PRKG1: variants seen among roughly 807,000 people sequenced by gnomAD.
PRKG1 encodes the protein protein kinase cGMP-dependent 1, also known as cGMP-dependent protein kinase 1.
A neutral mutation model predicts 88.1 loss-of-function variants in PRKG1; 35 were observed. The ratio of observed to expected loss-of-function variants is 0.40; its 90% CI spans 0.30 to 0.53. The LOEUF is 0.53. Ranked by LOEUF, PRKG1 falls within the 20% of genes least tolerant of loss-of-function variation. PRKG1 has a pLI of 0.59. For missense variants in PRKG1, 540 were observed against 839.8 expected, an observed-to-expected ratio of 0.64 and a Z score of 4.41; for synonymous variants, 303 against 292.5, an observed-to-expected ratio of 1.04 and a Z score of -0.37.
chr10:51,594,219 G>A (rs1459385220), intron 3 of PRKG1, among the ~76,000 whole-genome samples: 2 of 151,834 alleles, frequency 1.3e-5, no homozygotes, highest in African/African-American at 4.8e-5. Flanking sequence ...TGTAGAGATG[G>A]GGTCTTGTAT....
intron 5 of PRKG1, among the ~76,000 whole-genome samples, chr10:52,021,017 T>G (rs140287635): frequency 1.3e-5 from 2 of 152,170 alleles, no homozygotes; most frequent in Non-Finnish European, 2.9e-5. Flanking sequence ...ACATTCCTAG[T>G]GGGTGGGGGT....
rs1333609434 is a variant in PRKG1 at position 51,700,439 on chromosome 10, C to A, written c.593-104146C>A. On this transcript the variant is annotated intron_variant, in intron 3 of 17. Transcript: ENST00000373980. The stretch of plus-strand genomic sequence containing the variant: ...GGAATAAAGAAATTTACTTAACTAT[C>A]CCTACGTTGATTGGTTCTGATTTTT... 2.6e-5 allele frequency among the ~76,000 whole-genome samples: 4 copies of A among 152,180 alleles called. No individual in the cohort carries two copies. The East Asian group carries it at 7.7e-4, about 29-fold the overall frequency.
At chr10:51,947,449 G>C (rs868615502) in intron 5 of PRKG1, among the ~76,000 whole-genome samples, 24 of 152,084 alleles carry the variant, frequency 1.6e-4, no homozygotes, top group Non-Finnish European at 3.2e-4. Flanking sequence ...GCTTCGGCTC[G>C]CGCATGGTGC....
chr10:52,148,101 C>T (rs1837782897), intron 8 of PRKG1, among the ~76,000 whole-genome samples: 1 of 152,176 alleles, frequency 6.6e-6, no homozygotes, highest in Non-Finnish European at 1.5e-5. Context: ...AAAAATCAGA[C>T]TCCTGGGATC....
intron 5 of PRKG1, among the ~76,000 whole-genome samples, chr10:51,943,687 C>T (rs535340392): frequency 6.6e-6 from 1 of 152,000 alleles, no homozygotes; most frequent in African/African-American, 2.4e-5. Flanking sequence ...TTGTCAAAGG[C>T]CTTTTCTGCA....
At chr10:52,208,766 C>T (rs1839883675) in intron 9 of PRKG1, among the ~76,000 whole-genome samples, 1 of 152,076 alleles carries the variant, frequency 6.6e-6, no homozygotes, top group South Asian at 2.1e-4. Context: ...GAAATATTGG[C>T]TATATTATTC....
chr10:51,208,881 G>A (rs1838136369), intron 2 of PRKG1, among the ~76,000 whole-genome samples: 1 of 152,162 alleles, frequency 6.6e-6, no homozygotes, highest in African/African-American at 2.4e-5. Flanking sequence ...GGAAGGGATT[G>A]TGTCTTCATT....
At chr10:51,372,216 G>A (rs1842719782) in intron 2 of PRKG1, among the ~76,000 whole-genome samples, 1 of 151,934 alleles carries the variant, frequency 6.6e-6, no homozygotes, top group Admixed American at 6.6e-5. Context: ...AATGAAGTAA[G>A]GTTTATCGTT....
chr10:51,282,876 TG>T (rs926859309), intron 2 of PRKG1, among the ~76,000 whole-genome samples: 2 of 152,124 alleles, frequency 1.3e-5, no homozygotes, highest in African/African-American at 2.4e-5. Flanking sequence ...ATTTTAGATT[TG>T]GGGGGTACAT....
intron 4 of PRKG1, among the ~76,000 whole-genome samples, chr10:51,900,119 C>T (rs1841948466): frequency 6.6e-6 from 1 of 152,090 alleles, no homozygotes; most frequent in Non-Finnish European, 1.5e-5. Context: ...AATTACCCAG[C>T]CTTAGGTATT....
At chr10:51,422,103 A>G (rs957683506) in intron 2 of PRKG1, among the ~76,000 whole-genome samples, 4 of 152,186 alleles carry the variant, frequency 2.6e-5, no homozygotes, top group Admixed American at 1.3e-4. Context: ...CAGTTCATCT[A>G]CTTACCAGGG....
At chr10:51,454,042 G>A (rs918325108) in intron 2 of PRKG1, among the ~76,000 whole-genome samples, 1 of 151,966 alleles carries the variant, frequency 6.6e-6, no homozygotes, top group Non-Finnish European at 1.5e-5. Flanking sequence ...TAACCAAAGA[G>A]GTGAAAGATC....
chr10:51,512,175 ATT>A (rs59298858), intron 3 of PRKG1, among the ~76,000 whole-genome samples: 1 of 132,822 alleles, frequency 7.5e-6, no homozygotes, highest in Non-Finnish European at 1.6e-5. Flanking sequence ...ATTCTAATTA[ATT>A]TTTTTTTTTT....
chr10:51,581,125 G>A (rs924574681), intron 3 of PRKG1, among the ~76,000 whole-genome samples: 1 of 152,132 alleles, frequency 6.6e-6, no homozygotes, highest in African/African-American at 2.4e-5. Flanking sequence ...ATTTGACTAT[G>A]AGGTGAGATG....
chr10:52,078,424 A>G (rs1163860196), intron 7 of PRKG1, among the ~76,000 whole-genome samples: 1 of 152,218 alleles, frequency 6.6e-6, no homozygotes, highest in Admixed American at 6.5e-5. Context: ...GATTGCGGAA[A>G]ATAATAGGTT....
intron 1 of PRKG1, among the ~76,000 whole-genome samples, chr10:51,012,013 A>C (rs978726540): frequency 6.6e-6 from 1 of 152,162 alleles, no homozygotes; most frequent in South Asian, 2.1e-4. Context: ...ATCAGATCTC[A>C]TGAGACTTAT....
At chr10:51,972,518 G>C (rs1589471491) in intron 5 of PRKG1, among the ~76,000 whole-genome samples, 1 of 152,134 alleles carries the variant, frequency 6.6e-6, no homozygotes, top group Non-Finnish European at 1.5e-5. Context: ...CTTATAACAC[G>C]TGGTAAATGG....
intron 3 of PRKG1, among the ~76,000 whole-genome samples, chr10:51,607,444 T>C (rs535238615): frequency 1.3e-5 from 2 of 152,324 alleles, no homozygotes; most frequent in Non-Finnish European, 2.9e-5. Context: ...AGCTGTGGGC[T>C]CTCAGTAGCA....
intron 2 of PRKG1, among the ~76,000 whole-genome samples, chr10:51,255,744 A>T (rs1839541625): frequency 1.3e-5 from 2 of 152,122 alleles, no homozygotes; most frequent in African/African-American, 4.8e-5. Flanking sequence ...TATGCCAGAG[A>T]TGAGCAAATA....
Sources: allele counts gnomAD v4.1 joint callset (sites outside exome capture counted in the v4.1 genomes callset), GRCh38; gene constraint gnomAD v4.1.1; transcripts MANE v1.5; gene names NCBI Gene and HGNC (gene_info 2026-07-23, HGNC 2026-07-21).